NTRK1: variants seen among roughly 807,000 people sequenced by gnomAD.
The protein encoded by NTRK1 is neurotrophic receptor tyrosine kinase 1.
In NTRK1, 62 loss-of-function variants were observed where a neutral mutation model predicts 86.8. The observed-to-expected ratio is 0.71, with a 90% confidence interval of 0.58 to 0.88. NTRK1 has a LOEUF of 0.88. NTRK1 is among the 40% of genes least tolerant of loss of function. NTRK1 has a pLI of 0.00. For synonymous variants in NTRK1, 469 were observed against 456.6 expected (o/e 1.03, Z -0.35); for missense variants, 967 against 1,078.4 (o/e 0.90, Z 1.45).
intron 2 of NTRK1, chr1:156,852,074 AG>A (rs758870882): frequency 1.2e-6 from 2 of 1,613,648 alleles, no homozygotes; most frequent in Non-Finnish European, 1.7e-6. Flanking sequence ...CTGGAAGTAG[AG>A]GTGGCGGCAA....
rs777577766 is a variant in NTRK1, at chr1:156,854,123, T to TA, written c.51-10230dup. On this transcript the variant is annotated intron_variant, in intron 2 of 16. Transcript: ENST00000392302. This position sits in a 1 kb window ranked among gnomAD's most constrained non-coding sequence, Gnocchi z 4.2. ...GAGGTCGCGCAGGCTCTCCAGTCCG[T>TA]AGACACGGAAGAGCAGCAGGTAGTC... The TA allele has an allele frequency of 6.2e-6, 10 of 1,613,994 alleles. No homozygotes were observed. Among genetic ancestry groups the TA allele is most frequent in the Non-Finnish European group, 7.6e-6 (9 of 1,180,032 alleles).
At chr1:156,823,090 C>T (rs998648793) in intron 1 of NTRK1, among the ~76,000 whole-genome samples, 2 of 152,196 alleles carry the variant, frequency 1.3e-5, no homozygotes, top group Admixed American at 6.5e-5. Context: ...AATTCTTCTA[C>T]GTCTGTTAAC....
At chr1:156,871,025 C>T (rs1214366913) in intron 6 of NTRK1, among the ~76,000 whole-genome samples, 2 of 152,196 alleles carry the variant, frequency 1.3e-5, no homozygotes, top group African/African-American at 4.8e-5. Flanking sequence ...TTTGCACCAT[C>T]TCTTTGTTTC....
In NTRK1 at chr1:156,875,657, AG is replaced by A; in HGVS notation, c.1493del (p.Ser498MetfsTer49). On this transcript the variant is annotated frameshift_variant, in exon 12 of 17. Transcript: ENST00000524377. LOFTEE classifies it high-confidence loss of function. ...GHIIENPQYF[S>X]DACVHHIKRR... ...CATCATCGAGAACCCACAATACTTCAGTGATGCCTGTGAGGGGCTATGCTGG... is the reference window on the plus strand; with the variant it reads ...CATCATCGAGAACCCACAATACTTCATGATGCCTGTGAGGGGCTATGCTGG... 6.2e-7 allele frequency: 1 copy of A among 1,611,848 alleles called. No homozygotes were observed. The highest frequency in any genetic ancestry group is 8.5e-7 in the Non-Finnish European group (1 of 1,179,688).
chr1:156,852,146 C>T lies in NTRK1; in HGVS notation c.50+9953C>T. On this transcript the variant is annotated intron_variant, in intron 2 of 16. Coordinates refer to the NTRK1 transcript ENST00000392302. ...GCCCCCCAGGCATTCGGTGTGGCAG[C>T]ACTCGCCCCTCGCTGTGCAAGCCAT... 1 of 1,611,548 alleles carries T rather than the reference C, an allele frequency of 6.2e-7. No homozygotes were observed.
intron 2 of NTRK1, among the ~76,000 whole-genome samples, chr1:156,848,047 T>C (rs1184344678): frequency 1.3e-5 from 2 of 152,048 alleles, no homozygotes; most frequent in Non-Finnish European, 2.9e-5. Flanking sequence ...CTGCTCAGGA[T>C]TAACTGAATC....
rs1369938311 is a variant in NTRK1 at position 156,881,712 on chromosome 1, C to T, written c.*70C>T. 2 of 1,430,776 alleles carry T rather than the reference C, an allele frequency of 1.4e-6. No homozygotes were observed. Among genetic ancestry groups the T allele is most frequent in the Admixed American group, 4.9e-5 (2 of 41,052 alleles). 88.6% of individuals were successfully genotyped at this position (1,430,776 alleles called of 1,614,324 possible). A position where few individuals can be genotyped will look rare whatever the true frequency, so the allele number is the denominator to read the frequency against. ...CCTGCCCTCAGCATCCCCCATAGCT[C>T]CCAGCAGCCCCAGGGTGATCTCAAA... On this transcript the variant is annotated 3_prime_UTR_variant, in exon 17 of 17. Transcript: ENST00000524377.
intron 2 of NTRK1, chr1:156,846,873 G>A: frequency 1.2e-6 from 1 of 832,542 alleles, no homozygotes; most frequent in South Asian, 1.6e-5. Flanking sequence ...TGAGGGCAAA[G>A]CCATGACTCC....
At chr1:156,815,758 G>A in exon 1 of NTRK1, 2 of 1,578,796 alleles carry the variant, frequency 1.3e-6, no homozygotes, top group Non-Finnish European at 1.7e-6. Context: ...CTGCACCCTG[G>A]TCATCTGCGG....
At chr1:156,842,853 C>A in intron 2 of NTRK1, 1 of 672,638 alleles carries the variant, frequency 1.5e-6, no homozygotes, top group Non-Finnish European at 2.6e-6. Flanking sequence ...TGACTCTAAC[C>A]CTAACCATGA....
At chr1:156,880,231 CT>C in intron 16 of NTRK1, 74 bp downstream of exon 16, 1 of 1,542,028 alleles carries the variant, frequency 6.5e-7, no homozygotes, top group South Asian at 1.1e-5. Context: ...TTTCAGGGAA[CT>C]CGGTTCCCCT....
chr1:156,877,467 C>T (rs1279819658), intron 14 of NTRK1, among the ~76,000 whole-genome samples: 1 of 152,234 alleles, frequency 6.6e-6, no homozygotes, highest in Non-Finnish European at 1.5e-5. Context: ...GTGAATGGCC[C>T]AGGGGTGATG....
chr1:156,833,103 A>G (rs1654506495), intron 1 of NTRK1, among the ~76,000 whole-genome samples: 1 of 152,252 alleles, frequency 6.6e-6, no homozygotes, highest in African/African-American at 2.4e-5. Flanking sequence ...GCAGCATGAT[A>G]TAGTGGAAAA....
chr1:156,845,220 C>T (rs780393580), intron 2 of NTRK1: 1 of 1,609,830 alleles, frequency 6.2e-7, no homozygotes, highest in Admixed American at 1.7e-5. Flanking sequence ...GGCACCTTGT[C>T]CTCCTGGATC....
intron 3 of NTRK1, 141 bp from the exon 4 acceptor site, chr1:156,866,769 C>T: frequency 6.4e-6 from 4 of 620,370 alleles, no homozygotes; most frequent in South Asian, 5.7e-5. Context: ...ACACTGCCTT[C>T]CAGGGCTGGT....
In NTRK1 at chr1:156,881,646, G is replaced by T. The variant is rs376191817; in HGVS notation, c.*4G>T. The T allele has an allele frequency of 1.7e-4, 265 of 1,600,398 alleles. 1 individual carries two copies. Among genetic ancestry groups the T allele is most frequent in the Non-Finnish European group, 2.2e-4 (260 of 1,174,460 alleles). ...CTACCTGGATGTCCTGGGCTAGGGG[G>T]CCGGCCCAGGGGCTGGGAGTGGTTA... On this transcript the variant is annotated 3_prime_UTR_variant, in exon 17 of 17. Coordinates refer to ENST00000524377, the MANE Select transcript of NTRK1 (RefSeq NM_002529.4).
intron 2 of NTRK1, chr1:156,848,997 T>G: frequency 6.2e-7 from 1 of 1,612,972 alleles, no homozygotes; most frequent in Non-Finnish European, 8.5e-7. Flanking sequence ...CGTAGCAGGA[T>G]GCGGTCTGCC....
At chr1:156,831,281 C>T (rs368229310) in intron 1 of NTRK1, among the ~76,000 whole-genome samples, 58 of 152,300 alleles carry the variant, frequency 3.8e-4, no homozygotes, top group Non-Finnish European at 2.4e-4. Context: ...GGCAGGAGCA[C>T]GCTGGGTCAG....
chr1:156,856,327 C>T (rs984859461), upstream of NTRK1, among the ~76,000 whole-genome samples: 4 of 152,114 alleles, frequency 2.6e-5, no homozygotes, highest in African/African-American at 9.7e-5. Flanking sequence ...TCTGTGACTG[C>T]GAAGAAGTGA....
Sources: gnomAD v4.1 joint callset for allele counts (sites outside exome capture counted in the v4.1 genomes callset) on GRCh38, gnomAD v4.1.1 for gene constraint, Gnocchi (gnomAD v3.1) non-coding constraint, MANE v1.5 for transcripts, NCBI Gene and HGNC (gene_info 2026-07-23, HGNC 2026-07-21) for gene names.